CDH13: variants seen among roughly 807,000 people sequenced by gnomAD.
CDH13 encodes the protein cadherin 13, also known as cadherin-13.
A neutral mutation model predicts 63.8 loss-of-function variants in CDH13; 24 were observed. The observed-to-expected ratio is 0.38, with a 90% confidence interval of 0.27 to 0.53. The LOEUF (loss-of-function observed/expected upper bound fraction) is 0.53, where lower values mean the gene tolerates loss of function less well. CDH13 is among the 20% of genes least tolerant of loss of function. The pLI is 0.85. For synonymous variants in CDH13, 503 were observed against 355.3 expected (o/e 1.42, Z -4.67); for missense variants, 1,049 against 903.1 (o/e 1.16, Z -2.07).
rs919231328 is a variant in CDH13 at position 82,832,502 on chromosome 16, C to G, written c.46-25860C>G. Reference sequence around the variant, plus strand: ...GCTCTACCAACATGGTTGTAAAAATCTGGATGAAAATAAGAAAATACAGTC... The same window carrying G: ...GCTCTACCAACATGGTTGTAAAAATGTGGATGAAAATAAGAAAATACAGTC... On this transcript the variant is annotated intron_variant, in intron 1 of 13. Transcript: ENST00000567109. Among the ~76,000 whole-genome samples the G allele has an allele frequency of 4.6e-5, 7 of 151,850 alleles. No homozygotes were observed. In the East Asian group the frequency reaches 1.4e-3, roughly 29 times the overall value.
At chr16:82,817,871 A>G (rs1041938203) in intron 1 of CDH13, among the ~76,000 whole-genome samples, 19 of 152,202 alleles carry the variant, frequency 1.2e-4, no homozygotes, top group African/African-American at 4.3e-4. Flanking sequence ...GAATATACCT[A>G]TACATATACA....
chr16:82,888,625 G>T (rs2040974201), intron 2 of CDH13, among the ~76,000 whole-genome samples: 1 of 152,208 alleles, frequency 6.6e-6, no homozygotes. Flanking sequence ...AGATGGCCTT[G>T]TAGACCTCCC....
intron 6 of CDH13, among the ~76,000 whole-genome samples, chr16:83,380,003 T>A (rs2091533445): frequency 6.7e-6 from 1 of 150,050 alleles, no homozygotes; most frequent in African/African-American, 2.4e-5. Context: ...TTAGGGCATA[T>A]TCCATATAAT....
At chr16:82,742,669 T>C (rs1238797916) in intron 1 of CDH13, among the ~76,000 whole-genome samples, 1 of 152,196 alleles carries the variant, frequency 6.6e-6, no homozygotes, top group Non-Finnish European at 1.5e-5. Context: ...ATGAGGACTA[T>C]AAAGGAAGAT....
intron 3 of CDH13, among the ~76,000 whole-genome samples, chr16:83,064,220 T>C (rs1476754577): frequency 2.0e-5 from 3 of 152,074 alleles, no homozygotes; most frequent in African/African-American, 4.8e-5. Flanking sequence ...AATACAAAAA[T>C]TAGCTGGGTG....
At chr16:83,389,027 C>T (rs557078540) in intron 6 of CDH13, among the ~76,000 whole-genome samples, 4 of 152,222 alleles carry the variant, frequency 2.6e-5, no homozygotes, top group South Asian at 2.1e-4. Flanking sequence ...CAGTCAGAGC[C>T]GACAGGGAAG....
intron 7 of CDH13, among the ~76,000 whole-genome samples, chr16:83,596,506 C>G (rs1343066184): frequency 6.6e-6 from 1 of 152,110 alleles, no homozygotes; most frequent in African/African-American, 2.4e-5. Flanking sequence ...TCAAAATTTC[C>G]TCCTGGAGAA....
chr16:83,270,293 A>G (rs2088762521), intron 5 of CDH13, among the ~76,000 whole-genome samples: 1 of 152,156 alleles, frequency 6.6e-6, no homozygotes, highest in East Asian at 1.9e-4. Context: ...TAAAATGTAT[A>G]TTTAGGAAAC....
rs115650744 is a variant in CDH13 at position 83,493,066 on chromosome 16, A to C, written c.960+6411A>C. Among the ~76,000 whole-genome samples the C allele has an allele frequency of 4.1e-3, 631 of 152,210 alleles. 9 individuals carry two copies. Among genetic ancestry groups the C allele is most frequent in the African/African-American group, 0.014 (596 of 41,512 alleles). On this transcript the variant is annotated intron_variant, in intron 7 of 13. Coordinates refer to ENST00000567109, the MANE Select transcript of CDH13 (RefSeq NM_001257.5). ...GTTTGTCAGTTGTGAGACCTCTCTA[A>C]ACCTCGATTTCTTCATCTGCCACAG...
In CDH13 at chr16:83,666,466, A is replaced by T. The variant is rs1038612006; in HGVS notation, c.1102-4324A>T. Among the ~76,000 whole-genome samples, 5 of 152,134 alleles carry T rather than the reference A, an allele frequency of 3.3e-5. 1 individual carries two copies. The highest frequency in any genetic ancestry group is 7.4e-5 in the Non-Finnish European group (5 of 68,026). ...TTTTTTTTTTCTGTATTCTCTCAGG[A>T]GTAGATTTAAACGTAACCCAGTTCC... On this transcript the variant is annotated intron_variant, in intron 8 of 13. Transcript: ENST00000567109.
intron 6 of CDH13, among the ~76,000 whole-genome samples, chr16:83,466,558 C>G (rs1220606719): frequency 1.3e-5 from 2 of 152,204 alleles, no homozygotes; most frequent in African/African-American, 4.8e-5. Flanking sequence ...ACACACTCCC[C>G]CTAATGACCT....
intron 3 of CDH13, among the ~76,000 whole-genome samples, chr16:83,104,500 T>G (rs1206177263): frequency 6.6e-6 from 1 of 152,050 alleles, no homozygotes; most frequent in Non-Finnish European, 1.5e-5. Flanking sequence ...AGAGAAATTA[T>G]TGTTTAAGTA....
At chr16:83,782,737 A>G (rs765983389) in intron 12 of CDH13, among the ~76,000 whole-genome samples, 3 of 84,594 alleles carry the variant, frequency 3.5e-5, no homozygotes, top group African/African-American at 8.1e-5. Context: ...CCCTGTCTCG[A>G]AAAAAAAAAA....
chr16:82,648,442 T>G (rs1007551795), intron 1 of CDH13, among the ~76,000 whole-genome samples: 2 of 152,198 alleles, frequency 1.3e-5, no homozygotes, highest in Non-Finnish European at 2.9e-5. Flanking sequence ...GAAAACAGGT[T>G]AGGCAGCTCA....
At chr16:82,850,726 C>T (rs1261665248) in intron 1 of CDH13, among the ~76,000 whole-genome samples, 2 of 152,146 alleles carry the variant, frequency 1.3e-5, no homozygotes, top group African/African-American at 2.4e-5. Flanking sequence ...ATTGCCACAG[C>T]CTCCCCAACC....
chr16:82,995,235 C>T lies in CDH13; in HGVS notation c.158-36775C>T, dbSNP rs148487269. On this transcript the variant is annotated intron_variant, in intron 2 of 13. Transcript: ENST00000567109. ...TGGCCAGAACTCATAGTGAATCTCG[C>T]TATAGTCATCCTCCGTTTTGCAACA... is the stretch of plus-strand genomic sequence containing the variant. Among the ~76,000 whole-genome samples the T allele has an allele frequency of 9.7e-4, 147 of 152,272 alleles. 2 individuals carry two copies. Among genetic ancestry groups the T allele is most frequent in the African/African-American group, 3.3e-3 (138 of 41,556 alleles).
At chr16:82,903,815 T>G (rs2041551218) in intron 2 of CDH13, among the ~76,000 whole-genome samples, 1 of 152,122 alleles carries the variant, frequency 6.6e-6, no homozygotes, top group Non-Finnish European at 1.5e-5. Context: ...TTATTATCCA[T>G]GTTTCGTAAA....
intron 2 of CDH13, among the ~76,000 whole-genome samples, chr16:82,872,116 C>T (rs991532785): frequency 2.0e-5 from 3 of 152,192 alleles, no homozygotes; most frequent in Non-Finnish European, 2.9e-5. Flanking sequence ...GTATTGTGCT[C>T]TGTTGCTAAG....
chr16:82,683,192 C>T (rs1280693781), intron 1 of CDH13, among the ~76,000 whole-genome samples: 2 of 152,176 alleles, frequency 1.3e-5, no homozygotes, highest in Non-Finnish European at 2.9e-5. Context: ...ACTAAACCTT[C>T]CCTGTCTCAG....
Sources: gnomAD v4.1 joint callset for allele counts (sites outside exome capture counted in the v4.1 genomes callset) on GRCh38, gnomAD v4.1.1 for gene constraint, MANE v1.5 for transcripts, NCBI Gene and HGNC (gene_info 2026-07-23, HGNC 2026-07-21) for gene names.